PGAP1: variants seen among roughly 807,000 people sequenced by gnomAD.
PGAP1 encodes the protein GPI inositol-deacylase.
PGAP1 carries 76 observed loss-of-function variants against 127.0 expected under a neutral mutation model. The observed-to-expected ratio is 0.60, with a 90% CI of 0.50 to 0.72. The LOEUF (loss-of-function observed/expected upper bound fraction) is 0.72, where lower values mean the gene tolerates loss of function less well. PGAP1 is among the 30% of genes least tolerant of loss of function. The pLI is 0.00. For missense variants in PGAP1, 982 were observed against 1,071.3 expected (o/e 0.92, Z 1.16); for synonymous variants, 362 against 366.5 (o/e 0.99, Z 0.14).
chr2:196,870,919 A>C, intron 19 of PGAP1, 22 bp downstream of exon 19: 1 of 1,595,238 alleles, frequency 6.3e-7, no homozygotes, highest in Non-Finnish European at 8.6e-7. Flanking sequence ...TAAATAATCA[A>C]CCAGCCAGGA....
At chr2:196,898,404 C>T (rs752703622) in intron 5 of PGAP1, 35 bp from the exon 6 acceptor site, 8 of 1,453,990 alleles carry the variant, frequency 5.5e-6, no homozygotes, top group South Asian at 2.4e-5. Flanking sequence ...TTACGAAAAG[C>T]ACATTTGTTA....
chr2:196,911,456 T>A (rs1702807220), intron 4 of PGAP1, among the ~76,000 whole-genome samples: 2 of 72,342 alleles, frequency 2.8e-5, no homozygotes, highest in African/African-American at 1.1e-4. Flanking sequence ...GGGACTGTGG[T>A]GGGGTCGGGG....
Position 196,920,155 on chromosome 2 carries a change from A to AT in PGAP1, c.148-6dup. The AT allele has an allele frequency of 1.3e-6, 2 of 1,594,216 alleles. No individual in the cohort carries two copies. Among genetic ancestry groups the AT allele is most frequent in the Non-Finnish European group, 1.7e-6 (2 of 1,172,124 alleles). ...TTTCTTTGGAAGTTCTATTTTCTACATTTAAAAAAAAGTAGTTTCACTTTA... is the reference window on the plus strand; with the variant it reads ...TTTCTTTGGAAGTTCTATTTTCTACATTTTAAAAAAAAGTAGTTTCACTTTA... On this transcript the variant is annotated splice_region_variant and splice_polypyrimidine_tract_variant and intron_variant, in intron 1 of 26. Coordinates refer to ENST00000354764, the MANE Select transcript of PGAP1 (RefSeq NM_024989.4).
intron 11 of PGAP1, 34 bp from the exon 12 acceptor site, chr2:196,885,509 C>A (rs766369759): frequency 7.2e-7 from 1 of 1,395,590 alleles, no homozygotes; most frequent in Admixed American, 1.9e-5. Flanking sequence ...AATTAAAGGA[C>A]AAATATATGG....
chr2:196,840,837 C>T lies in PGAP1; in HGVS notation c.*397G>A, dbSNP rs1303908077. ...TAAACTATAGCAAATTCAAAATAAC[C>T]TACTTTTGTGAAAAAAAGTTTGATG... On this transcript the variant is annotated 3_prime_UTR_variant, in exon 27 of 27. Transcript: ENST00000354764. The T allele has an allele frequency of 1.3e-5, 2 of 155,972 alleles. No homozygotes were observed. The highest frequency in any genetic ancestry group is 4.8e-5 in the African/African-American group (2 of 41,610). 9.7% of individuals were successfully genotyped at this position (155,972 alleles called of 1,614,324 possible).
intron 7 of PGAP1, among the ~76,000 whole-genome samples, chr2:196,895,466 G>A (rs1264383447): frequency 1.3e-5 from 2 of 152,200 alleles, no homozygotes; most frequent in Non-Finnish European, 2.9e-5. Context: ...AGTAGGCTTA[G>A]AATTTTTACC....
intron 10 of PGAP1, among the ~76,000 whole-genome samples, chr2:196,888,211 G>T (rs1439210477): frequency 6.6e-6 from 1 of 152,096 alleles, no homozygotes; most frequent in African/African-American, 2.4e-5. Flanking sequence ...AAGTATACAG[G>T]AAAGAAAATG....
rs1700191712 is a variant in PGAP1 at position 196,834,735 on chromosome 2, C to A, written c.*6499G>T. ...AAGGTTATTTCTACCAGTATTCCAA[C>A]AAATACATATTTGATTATATAGAAA... is the stretch of plus-strand genomic sequence containing the variant. On this transcript the variant is annotated 3_prime_UTR_variant, in exon 27 of 27. Transcript: ENST00000354764. 1 of 151,790 alleles carries A rather than the reference C, an allele frequency of 6.6e-6. No homozygotes were observed. The highest frequency in any genetic ancestry group is 2.1e-4 in the South Asian group (1 of 4,822). The allele number at this position is 151,790 out of a possible 1,614,324, so 9.4% of individuals were successfully genotyped here.
chr2:196,845,759 G>T, intron 23 of PGAP1, 123 bp downstream of exon 23: 1 of 660,138 alleles, frequency 1.5e-6, no homozygotes, highest in Non-Finnish European at 2.3e-6. Context: ...ATTCAAACCC[G>T]TTATGTAACA....
At chr2:196,893,797 T>A (rs1239591362) in intron 7 of PGAP1, among the ~76,000 whole-genome samples, 1 of 152,178 alleles carries the variant, frequency 6.6e-6, no homozygotes, top group African/African-American at 2.4e-5. Context: ...TTAAATATCC[T>A]GGCACAATAA....
At chr2:196,866,074 T>C (rs897369615) in intron 19 of PGAP1, among the ~76,000 whole-genome samples, 2 of 152,176 alleles carry the variant, frequency 1.3e-5, no homozygotes, top group African/African-American at 2.4e-5. Context: ...TTCAATGTTA[T>C]CCGCATCAAG....
rs1460004622 is a variant in PGAP1, at chr2:196,898,321, C to T, written c.856G>A (p.Val286Met). Residue 286 changes from valine (V) to methionine (M), a missense_variant, in exon 6 of 27, where the codon GTG becomes ATG. Transcript: ENST00000354764. ...GTTATACAAGTATTAACTTACCACACAATGGAGAGGTGGTCTGTTGAGACC... is the reference window on the plus strand; with the variant it reads ...GTTATACAAGTATTAACTTACCACATAATGGAGAGGTGGTCTGTTGAGACC... ...TWVSTDHLSIVWCKQLQLTTV... is the reference protein window; with the variant it reads ...TWVSTDHLSIMWCKQLQLTTV... 7 of 1,603,460 alleles carry T rather than the reference C, an allele frequency of 4.4e-6. No homozygotes were observed. The highest frequency in any genetic ancestry group is 6.0e-6 in the Non-Finnish European group (7 of 1,171,862).
intron 10 of PGAP1, among the ~76,000 whole-genome samples, chr2:196,887,903 G>C (rs1436791781): frequency 2.0e-5 from 3 of 152,172 alleles, no homozygotes; most frequent in African/African-American, 4.8e-5. Flanking sequence ...CCTGGACACA[G>C]AAAATCTAGC....
Position 196,843,979 on chromosome 2 carries a change from T to C in PGAP1, c.2434A>G (p.Ser812Gly). The change falls in exon 25 of 27, where the codon AGC becomes GGC. Residue 812 changes from serine to glycine, a missense_variant. Coordinates refer to ENST00000354764, the MANE Select transcript of PGAP1 (RefSeq NM_024989.4). ...LRLSANDAED[S>G]LRMHSTVINL... is the part of the protein sequence containing the mutation. ...ATCACAGTACTGTGCATGCGAAGGCTATCTTCAGCATCGTTGGCAGATAAA... is the reference window on the plus strand; with the variant it reads ...ATCACAGTACTGTGCATGCGAAGGCCATCTTCAGCATCGTTGGCAGATAAA... The C allele has an allele frequency of 1.2e-6, 2 of 1,608,876 alleles. No individual in the cohort carries two copies. Among genetic ancestry groups the C allele is most frequent in the South Asian group, 1.1e-5 (1 of 90,458 alleles).
chr2:196,892,648 A>T (rs1020572923), intron 8 of PGAP1, among the ~76,000 whole-genome samples: 3 of 152,124 alleles, frequency 2.0e-5, no homozygotes, highest in African/African-American at 7.2e-5. Context: ...TCAACATAGG[A>T]AATAAATATT....
intron 7 of PGAP1, among the ~76,000 whole-genome samples, chr2:196,894,148 G>C (rs1399184327): frequency 6.6e-6 from 1 of 152,156 alleles, no homozygotes; most frequent in Non-Finnish European, 1.5e-5. Flanking sequence ...ATCTTAGATT[G>C]GGAGACAGTC....
rs951507218 is a variant in PGAP1, at chr2:196,836,803, A to G, written c.*4431T>C. The G allele has an allele frequency of 2.6e-5, 4 of 152,190 alleles. No homozygotes were observed. Among genetic ancestry groups the G allele is most frequent in the Non-Finnish European group, 5.9e-5 (4 of 68,018 alleles). The allele number at this position is 152,190 out of a possible 1,614,324, so 9.4% of individuals were successfully genotyped here. A position where few individuals can be genotyped will look rare whatever the true frequency, so the allele number is the denominator to read the frequency against. ...AAGTTTTCTGGCAGGGTGTAATTTTATAATACAAACATATTACTGCTTTCT... is the reference window on the plus strand; with the variant it reads ...AAGTTTTCTGGCAGGGTGTAATTTTGTAATACAAACATATTACTGCTTTCT... On this transcript the variant is annotated 3_prime_UTR_variant, in exon 27 of 27. Coordinates refer to ENST00000354764, the MANE Select transcript of PGAP1 (RefSeq NM_024989.4).
At chr2:196,894,528 C>T (rs541187838) in intron 7 of PGAP1, among the ~76,000 whole-genome samples, 3 of 152,282 alleles carry the variant, frequency 2.0e-5, no homozygotes, top group African/African-American at 4.8e-5. Context: ...TTAGGCCGGG[C>T]GCAGTGGCTC....
chr2:196,907,254 C>T (rs1304819554), intron 4 of PGAP1, among the ~76,000 whole-genome samples: 1 of 10,532 alleles, frequency 9.5e-5, no homozygotes, highest in Non-Finnish European at 2.2e-4. Context: ...GCGGATCTCT[C>T]GGCAGAAACC....
Sources: allele counts gnomAD v4.1 joint callset (sites outside exome capture counted in the v4.1 genomes callset), GRCh38; gene constraint gnomAD v4.1.1; transcripts MANE v1.5; gene names NCBI Gene and HGNC (gene_info 2026-07-23, HGNC 2026-07-21).